JPH1: variants seen among roughly 807,000 people sequenced by gnomAD.
JPH1 encodes junctophilin-1.
JPH1 carries 12 observed loss-of-function variants against 53.6 expected under a neutral mutation model. The ratio of observed to expected loss-of-function variants is 0.22; its 90% CI spans 0.14 to 0.36. The LOEUF (loss-of-function observed/expected upper bound fraction) is 0.36. JPH1 is among the 10% of genes least tolerant of loss of function. JPH1 has a pLI of 1.00. For synonymous variants in JPH1, 375 were observed against 363.8 expected (o/e 1.03, Z -0.35); for missense variants, 808 against 905.5 (o/e 0.89, Z 1.38).
chr8:74,277,787 A>G (rs1258985864), intron 2 of JPH1, among the ~76,000 whole-genome samples: 5 of 152,238 alleles, frequency 3.3e-5, no homozygotes, highest in Non-Finnish European at 7.3e-5. Context: ...ATGAGCATTC[A>G]ATGGCATGCA....
At chr8:74,316,379 C>G (rs945414327) in intron 1 of JPH1, among the ~76,000 whole-genome samples, 3 of 152,216 alleles carry the variant, frequency 2.0e-5, no homozygotes, top group Non-Finnish European at 2.9e-5. Context: ...TCTGCATCCT[C>G]TATGGATTTC....
chr8:74,321,353 G>C lies in JPH1; in HGVS notation c.-66C>G. Reference sequence around the variant, plus strand: ...CGCGGGCAGTGCTGGGCACGGCAGGGTGTAGCTCGGGGGTGGGGGCCCGGC... The same window carrying C: ...CGCGGGCAGTGCTGGGCACGGCAGGCTGTAGCTCGGGGGTGGGGGCCCGGC... On this transcript the variant is annotated 5_prime_UTR_variant, in exon 1 of 6. Coordinates refer to ENST00000342232, the MANE Select transcript of JPH1 (RefSeq NM_020647.4). This position sits in a 1 kb window ranked among gnomAD's most constrained non-coding sequence, Gnocchi z 4.3. The C allele has an allele frequency of 7.1e-7, 1 of 1,403,758 alleles. No homozygotes were observed. The highest frequency in any genetic ancestry group is 9.2e-7 in the Non-Finnish European group (1 of 1,081,436). The allele number at this position is 1,403,758 out of a possible 1,614,324, so 87.0% of individuals were successfully genotyped here. A position where few individuals can be genotyped will look rare whatever the true frequency, so the allele number is the denominator to read the frequency against.
chr8:74,306,528 T>G (rs745435257), intron 2 of JPH1, among the ~76,000 whole-genome samples: 3 of 152,148 alleles, frequency 2.0e-5, no homozygotes, highest in Non-Finnish European at 4.4e-5. Flanking sequence ...GACTCTGAAG[T>G]TCAGAGGATA....
At chr8:74,318,719 T>A (rs1173387106) in intron 1 of JPH1, among the ~76,000 whole-genome samples, 1 of 152,162 alleles carries the variant, frequency 6.6e-6, no homozygotes, top group African/African-American at 2.4e-5. Context: ...TGTACAGGGA[T>A]GGACATGTGG....
At chr8:74,278,710 G>A (rs993343249) in intron 2 of JPH1, among the ~76,000 whole-genome samples, 7 of 152,130 alleles carry the variant, frequency 4.6e-5, no homozygotes, top group African/African-American at 1.4e-4. Context: ...CCAAGCTTAA[G>A]GTAATACGTT....
At chr8:74,254,544 G>C (rs1806161488) in intron 3 of JPH1, among the ~76,000 whole-genome samples, 1 of 151,952 alleles carries the variant, frequency 6.6e-6, no homozygotes, top group South Asian at 2.1e-4. Flanking sequence ...TTCTGGCCAG[G>C]GCAATCAGGC....
chr8:74,320,787 C>G lies in JPH1; in HGVS notation c.379+122G>C. 8.2e-7 allele frequency: 1 copy of G among 1,216,066 alleles called. No individual in the cohort carries two copies. Among genetic ancestry groups the G allele is most frequent in the South Asian group, 1.8e-5 (1 of 54,900 alleles). 75.3% of individuals were successfully genotyped at this position (1,216,066 alleles called of 1,614,324 possible). On this transcript the variant is annotated intron_variant, in intron 1 of 5. Coordinates refer to ENST00000342232, the MANE Select transcript of JPH1 (RefSeq NM_020647.4). The surrounding 1 kb of genome is among the most constrained non-coding windows in gnomAD (Gnocchi z 4.4). ...CGCGGGCGCGGGGGTGGGAGGCGCCCCCAGGTGTTTTGGCGGGTTTCCGGA... is the reference window on the plus strand; with the variant it reads ...CGCGGGCGCGGGGGTGGGAGGCGCCGCCAGGTGTTTTGGCGGGTTTCCGGA...
chr8:74,303,708 C>T (rs1018090164), intron 2 of JPH1, among the ~76,000 whole-genome samples: 4 of 152,218 alleles, frequency 2.6e-5, no homozygotes, highest in South Asian at 4.2e-4. Flanking sequence ...CTCAGCCTCC[C>T]AAAGTGCTGG....
chr8:74,267,695 C>T (rs999036516), intron 2 of JPH1, among the ~76,000 whole-genome samples: 13 of 152,060 alleles, frequency 8.5e-5, no homozygotes, highest in East Asian at 5.8e-4. Flanking sequence ...AGACTTTTGA[C>T]CCAGAAAGGA....
chr8:74,250,136 A>AT lies in JPH1; in HGVS notation c.1259-4962dup, dbSNP rs573206811. 4.3e-3 allele frequency among the ~76,000 whole-genome samples: 613 copies of AT among 142,976 alleles called. 1 individual carries two copies. Among genetic ancestry groups the AT allele is most frequent in the Middle Eastern group, 0.011 (3 of 272 alleles). The allele number at this position is 142,976 out of a possible 152,430, so 93.8% of individuals were successfully genotyped here. A position where few individuals can be genotyped will look rare whatever the true frequency, so the allele number is the denominator to read the frequency against. On this transcript the variant is annotated intron_variant, in intron 3 of 5. Coordinates refer to ENST00000342232, the MANE Select transcript of JPH1 (RefSeq NM_020647.4). ...CAAAATGAATCTCTCGACTAAAAGG[A>AT]TTTTTTTTTTTTTTTTGAGACGGAG... is the stretch of plus-strand genomic sequence containing the variant.
intron 2 of JPH1, among the ~76,000 whole-genome samples, chr8:74,267,617 G>A (rs1335008356): frequency 9.9e-5 from 15 of 152,158 alleles, no homozygotes; most frequent in Admixed American, 7.2e-4. Flanking sequence ...CCCAGAAGCC[G>A]GACTGAAGGG....
chr8:74,308,956 G>C (rs948045925), intron 2 of JPH1, among the ~76,000 whole-genome samples: 1 of 152,186 alleles, frequency 6.6e-6, no homozygotes, highest in African/African-American at 2.4e-5. Context: ...TATGAGGAAT[G>C]GTTTTTTAAA....
intron 3 of JPH1, among the ~76,000 whole-genome samples, chr8:74,253,911 A>C (rs1009930164): frequency 6.6e-6 from 1 of 152,122 alleles, no homozygotes; most frequent in Non-Finnish European, 1.5e-5. Context: ...ATAGCTTACC[A>C]ACCAAAAAAA....
chr8:74,317,505 AT>A (rs1448249304), intron 1 of JPH1, among the ~76,000 whole-genome samples: 1 of 152,240 alleles, frequency 6.6e-6, no homozygotes, highest in Non-Finnish European at 1.5e-5. Flanking sequence ...AGGAATGGGA[AT>A]GGAATTATTA....
Position 74,246,261 on chromosome 8 carries a change from G to T in JPH1, c.1259-1086C>A, listed in dbSNP as rs1182724670. Among the ~76,000 whole-genome samples the T allele has an allele frequency of 2.0e-5, 3 of 152,140 alleles. No homozygotes were observed. In the East Asian group the frequency reaches 5.8e-4, roughly 29 times the overall value. On this transcript the variant is annotated intron_variant, in intron 3 of 5. Coordinates refer to ENST00000342232, the MANE Select transcript of JPH1 (RefSeq NM_020647.4). The stretch of plus-strand genomic sequence containing the variant: ...TGGAAGACACTGCCCCCACCGACAT[G>T]CTTATAGAGAGTTGACAGGCTCTTG...
At position 74,244,832 on chromosome 8, in the gene JPH1, G is replaced by T. The variant is rs1233745233; in HGVS notation, c.1602C>A (p.Gly534=). The part of the protein sequence containing the change: ...GAVVPQSKYS[G]RHHIPNPSNG... ...TACTGGGGTTGGGGATGTGGTGGCG[G>T]CCAGAGTACTTGGACTGGGGCACAA... is the stretch of plus-strand genomic sequence containing the variant. Residue 534 remains glycine, a synonymous_variant, in exon 4 of 6, where the codon GGC becomes GGA. Coordinates refer to ENST00000342232, the MANE Select transcript of JPH1 (RefSeq NM_020647.4). 3 of 1,614,064 alleles carry T rather than the reference G, an allele frequency of 1.9e-6. No homozygotes were observed. The African/African-American group carries it at 4.0e-5, about 22-fold the overall frequency.
chr8:74,300,531 G>A (rs954155506), intron 2 of JPH1, among the ~76,000 whole-genome samples: 6 of 152,152 alleles, frequency 3.9e-5, no homozygotes, highest in East Asian at 3.8e-4. Context: ...AGTTGTGTGC[G>A]TGGAATGTTT....
At chr8:74,313,927 A>T (rs1224084382) in intron 2 of JPH1, among the ~76,000 whole-genome samples, 5 of 152,322 alleles carry the variant, frequency 3.3e-5, no homozygotes, top group African/African-American at 1.2e-4. Context: ...CTTCCCTAAT[A>T]GAACTTTATT....
chr8:74,314,964 G>T lies in JPH1; in HGVS notation c.1036C>A (p.Pro346Thr). 6.2e-7 allele frequency: 1 copy of T among 1,614,058 alleles called. No homozygotes were observed. The highest frequency in any genetic ancestry group is 8.5e-7 in the Non-Finnish European group (1 of 1,180,014). The stretch of plus-strand genomic sequence containing the variant: ...TCCCTAGTTTTTGTATGTCTTATTG[G>T]TATAAGCTGCTTCCTTATCCCACGG... ...LVRGIRKQLIPIRHTKTREKV... is the reference protein window; with the variant it reads ...LVRGIRKQLITIRHTKTREKV... The change falls in exon 2 of 6, where the codon CCA (proline) becomes ACA (threonine). Residue 346 changes from proline to threonine, a missense_variant. This residue lies in a region of JPH1 where 756 missense variants were observed against 811.9 expected (regional missense o/e 0.93). Coordinates refer to ENST00000342232, the MANE Select transcript of JPH1 (RefSeq NM_020647.4).
Sources: gnomAD v4.1 joint callset for allele counts (sites outside exome capture counted in the v4.1 genomes callset) on GRCh38, gnomAD v4.1.1 for gene constraint, gnomAD v4.1.1 regional missense constraint, Gnocchi (gnomAD v3.1) non-coding constraint, MANE v1.5 for transcripts, NCBI Gene and HGNC (gene_info 2026-07-23, HGNC 2026-07-21) for gene names.